ABHD2: variants seen among roughly 807,000 people sequenced by gnomAD.
The protein encoded by ABHD2 is monoacylglycerol lipase ABHD2.
A neutral mutation model predicts 48.1 loss-of-function variants in ABHD2; 20 were observed. The ratio of observed to expected loss-of-function variants is 0.42; its 90% CI spans 0.29 to 0.60. The LOEUF is 0.60. Among genes scored for constraint, ABHD2 ranks in the 20% least tolerant of loss-of-function variants. The pLI, the probability that ABHD2 is intolerant of heterozygous loss-of-function variation, is 0.24. For synonymous variants in ABHD2, 209 were observed against 214.2 expected, an observed-to-expected ratio of 0.98 and a Z score of 0.21; for missense variants, 405 against 550.9, an observed-to-expected ratio of 0.74 and a Z score of 2.65.
rs2051462097 is a variant in ABHD2 at position 89,201,160 on chromosome 15, G to A, written c.*5737G>A. ...AAGGAAGAAGACTGGTGACATCTCT[G>A]AAGGATGCAGTTGAGGTTGATCCAG... On this transcript the variant is annotated 3_prime_UTR_variant, in exon 11 of 11. Transcript: ENST00000352732. 17 of 1,433,774 alleles carry A rather than the reference G, an allele frequency of 1.2e-5. No individual in the cohort carries two copies. The highest frequency in any genetic ancestry group is 1.7e-5 in the Non-Finnish European group (17 of 1,017,408). The allele number at this position is 1,433,774 out of a possible 1,614,324, so 88.8% of individuals were successfully genotyped here. A position where few individuals can be genotyped will look rare whatever the true frequency, so the allele number is the denominator to read the frequency against.
intron 3 of ABHD2, among the ~76,000 whole-genome samples, chr15:89,126,185 G>C (rs2050128733): frequency 6.6e-6 from 1 of 152,182 alleles, no homozygotes; most frequent in South Asian, 2.1e-4. Context: ...CCATCACGTG[G>C]TATCAAATTC....
At chr15:89,067,002 T>C in the ABHD2 span, among the ~76,000 whole-genome samples, 1 of 152,218 alleles carries the variant, frequency 6.6e-6, no homozygotes, top group Non-Finnish European at 1.5e-5. Flanking sequence ...GATTCACAGC[T>C]CTTTCTGCTC....
At chr15:89,093,202 C>G (rs1901668558) in intron 1 of ABHD2, among the ~76,000 whole-genome samples, 1 of 101,218 alleles carries the variant, frequency 9.9e-6, no homozygotes, top group African/African-American at 3.7e-5. Flanking sequence ...TTTTTTGAGA[C>G]AGAGTCTCAC....
chr15:89,043,241 G>A, the ABHD2 span, among the ~76,000 whole-genome samples: 2 of 152,234 alleles, frequency 1.3e-5, no homozygotes, highest in South Asian at 2.1e-4. Context: ...AGCACCCTAG[G>A]GGGGCAAGTT....
the ABHD2 span, among the ~76,000 whole-genome samples, chr15:89,049,139 C>A: frequency 9.6e-4 from 146 of 152,166 alleles, no homozygotes; most frequent in Middle Eastern, 3.4e-3. Context: ...TTGGAGTACC[C>A]GGCCGGCCGT....
intron 6 of ABHD2, among the ~76,000 whole-genome samples, chr15:89,183,121 A>T (rs1358943897): frequency 6.6e-6 from 1 of 151,988 alleles, no homozygotes; most frequent in East Asian, 1.9e-4. Context: ...TCACCCAAAA[A>T]ATTAGCAATA....
chr15:89,117,856 T>G (rs1340062625), intron 3 of ABHD2, among the ~76,000 whole-genome samples: 1 of 152,220 alleles, frequency 6.6e-6, no homozygotes, highest in Non-Finnish European at 1.5e-5. Context: ...ACATGTACTA[T>G]TATGTGCTTT....
chr15:89,187,575 C>G (rs2051231807), intron 7 of ABHD2, among the ~76,000 whole-genome samples: 2 of 152,086 alleles, frequency 1.3e-5, no homozygotes, highest in Admixed American at 1.3e-4. Context: ...GTTGTGACCC[C>G]TACCTCTAAT....
At chr15:89,041,974 T>A in the ABHD2 span, among the ~76,000 whole-genome samples, 1 of 152,064 alleles carries the variant, frequency 6.6e-6, no homozygotes, top group Non-Finnish European at 1.5e-5. Context: ...CACCCGGGTG[T>A]TTGGTTGGGA....
chr15:89,155,102 C>T lies in ABHD2; in HGVS notation c.371-265C>T, dbSNP rs12902156. Among the ~76,000 whole-genome samples the T allele has an allele frequency of 0.65, 99,377 of 152,068 alleles. 34,933 individuals are homozygous for T. Among genetic ancestry groups the T allele is most frequent in the African/African-American group, 0.91 (37,763 of 41,530 alleles). On this transcript the variant is annotated intron_variant, in intron 4 of 10. Transcript: ENST00000352732. The surrounding 1 kb of genome is among the most constrained non-coding windows in gnomAD (Gnocchi z 4.9). ...TTGTATATTTTTCATTTCATTTTTCCAGTAATTAACTTCTATTGTCTTTTC... is the reference window on the plus strand; with the variant it reads ...TTGTATATTTTTCATTTCATTTTTCTAGTAATTAACTTCTATTGTCTTTTC...
At chr15:89,192,928 GAAT>G (rs1437835341) in intron 9 of ABHD2, among the ~76,000 whole-genome samples, 1 of 152,194 alleles carries the variant, frequency 6.6e-6, no homozygotes, top group Non-Finnish European at 1.5e-5. Context: ...TAAACTGAAT[GAAT>G]ATGTACATAA....
chr15:89,043,644 AAGG>A, the ABHD2 span, among the ~76,000 whole-genome samples: 1 of 117,106 alleles, frequency 8.5e-6, no homozygotes, highest in East Asian at 3.1e-4. Context: ...GAGGAGGAGG[AAGG>A]AGAAGGAGGA....
At chr15:89,181,314 G>A (rs1049466047) in intron 6 of ABHD2, among the ~76,000 whole-genome samples, 5 of 150,650 alleles carry the variant, frequency 3.3e-5, no homozygotes, top group Admixed American at 1.3e-4. Flanking sequence ...ACTGTATATA[G>A]GCAAAACCTG....
At chr15:89,122,097 T>C (rs2050061221) in intron 3 of ABHD2, among the ~76,000 whole-genome samples, 1 of 152,208 alleles carries the variant, frequency 6.6e-6, no homozygotes, top group Non-Finnish European at 1.5e-5. Flanking sequence ...CCCAAAGCGC[T>C]GGGATTTCAG....
rs7165599 is a variant in ABHD2, at chr15:89,170,242, C to T, written c.539-5570C>T. On this transcript the variant is annotated intron_variant, in intron 5 of 10. Transcript: ENST00000352732. ...TCCCAAGTAGCTGGGACTACAGGCA[C>T]GTGTCACCACTGCCTGGATAATTTT... 9.0e-3 allele frequency among the ~76,000 whole-genome samples: 1,364 copies of T among 151,598 alleles called. 21 individuals carry two copies. The highest frequency in any genetic ancestry group is 0.031 in the African/African-American group (1,290 of 41,326).
At chr15:89,110,258 C>T (rs2049852114) in intron 1 of ABHD2, among the ~76,000 whole-genome samples, 5 of 152,090 alleles carry the variant, frequency 3.3e-5, no homozygotes, top group Admixed American at 2.0e-4. Flanking sequence ...GATGGGGTCT[C>T]CCCATATTGG....
intron 6 of ABHD2, chr15:89,183,368 C>CAAA (rs1233981139): frequency 9.5e-4 from 59 of 61,860 alleles, no homozygotes; most frequent in South Asian, 4.7e-3. Flanking sequence ...CAGTCCTTTT[C>CAAA]AAAAAAAAAA....
At chr15:89,047,396 G>A in the ABHD2 span, among the ~76,000 whole-genome samples, 5 of 152,112 alleles carry the variant, frequency 3.3e-5, no homozygotes, top group Non-Finnish European at 7.3e-5. Flanking sequence ...GGAGAGTTCT[G>A]TAGATATCTA....
intron 10 of ABHD2, among the ~76,000 whole-genome samples, chr15:89,194,744 A>G (rs1364367067): frequency 6.6e-6 from 1 of 152,158 alleles, no homozygotes; most frequent in African/African-American, 2.4e-5. Context: ...TATTAAATCA[A>G]AATCCGCATT....
Sources: gnomAD v4.1 joint callset for allele counts (sites outside exome capture counted in the v4.1 genomes callset) on GRCh38, gnomAD v4.1.1 for gene constraint, Gnocchi (gnomAD v3.1) non-coding constraint, MANE v1.5 for transcripts, NCBI Gene and HGNC (gene_info 2026-07-23, HGNC 2026-07-21) for gene names.